The following ZNF708 variants were observed in gnomAD, a reference collection of about 807,000 sequenced individuals.
ZNF708 encodes ZNF15, ZNF15L1.
In ZNF708, 44 loss-of-function variants were observed where a neutral mutation model predicts 47.0. The observed-to-expected ratio is 0.94, with a 90% CI of 0.74 to 1.20. The LOEUF is 1.20. Ranked by LOEUF, ZNF708 falls within the 50% of genes most tolerant of loss-of-function variation. The pLI, the probability that ZNF708 is intolerant of heterozygous loss-of-function variation, is 0.00. For synonymous variants in ZNF708, 184 were observed against 218.5 expected, an observed-to-expected ratio of 0.84 and a Z score of 1.39; for missense variants, 557 against 656.0, an observed-to-expected ratio of 0.85 and a Z score of 1.65.
rs565608526 is a variant in ZNF708 at position 21,304,678 on chromosome 19, C to T, written c.226+4568G>A. Among the ~76,000 whole-genome samples the T allele has an allele frequency of 2.6e-5, 4 of 152,176 alleles. No individual in the cohort carries two copies. The South Asian group carries it at 8.3e-4, about 32-fold the overall frequency. ...TCACATGGGGCAAAAAGTTTGGGAC[C>T]AGCTTACACAACATAGTGAGACCCT... On this transcript the variant is annotated intron_variant, in intron 3 of 3. Transcript: ENST00000356929.
At chr19:21,321,658 T>TGA (rs1242780330) in intron 1 of ZNF708, among the ~76,000 whole-genome samples, 1 of 84,356 alleles carries the variant, frequency 1.2e-5, no homozygotes, top group African/African-American at 4.8e-5. Flanking sequence ...GGGAGGGAGG[T>TGA]GAGAGAGAGA....
chr19:21,299,344 C>T (rs1007392209), intron 3 of ZNF708, among the ~76,000 whole-genome samples: 1 of 152,092 alleles, frequency 6.6e-6, no homozygotes, highest in African/African-American at 2.4e-5. Flanking sequence ...CAGAGTGAGA[C>T]TCTGTCTCAT....
At chr19:21,324,492 A>G in intron 1 of ZNF708, among the ~76,000 whole-genome samples, 1 of 152,068 alleles carries the variant, frequency 6.6e-6, no homozygotes, top group Non-Finnish European at 1.5e-5. Flanking sequence ...GTTTGAACCC[A>G]GGAGGCGGAA....
intron 1 of ZNF708, among the ~76,000 whole-genome samples, chr19:21,322,644 G>A (rs1291952550): frequency 6.6e-6 from 1 of 152,122 alleles, no homozygotes; most frequent in East Asian, 1.9e-4. Flanking sequence ...TCTCACCCTG[G>A]GAGAACTGAA....
intron 1 of ZNF708, among the ~76,000 whole-genome samples, chr19:21,323,133 T>C (rs1259813275): frequency 3.3e-5 from 5 of 152,138 alleles, no homozygotes; most frequent in Non-Finnish European, 7.4e-5. Context: ...TCCAGATAAA[T>C]AACTGTGATT....
chr19:21,325,137 A>C (rs567455879), intron 1 of ZNF708, among the ~76,000 whole-genome samples: 1 of 152,328 alleles, frequency 6.6e-6, no homozygotes, highest in Non-Finnish European at 1.5e-5. Flanking sequence ...GAAAATGACC[A>C]TACTGCCAAA....
intron 3 of ZNF708, among the ~76,000 whole-genome samples, chr19:21,303,665 G>T (rs767222704): frequency 1.3e-5 from 2 of 151,962 alleles, no homozygotes; most frequent in African/African-American, 2.4e-5. Flanking sequence ...GCCTACAAGA[G>T]ACTGGTTTTA....
intron 1 of ZNF708, among the ~76,000 whole-genome samples, chr19:21,316,678 G>A (rs531874517): frequency 1.3e-5 from 2 of 152,156 alleles, no homozygotes; most frequent in African/African-American, 4.8e-5. Flanking sequence ...CCTGAGGCTG[G>A]GCACGGTGGC....
chr19:21,307,054 AAT>A (rs1427696656), intron 3 of ZNF708: 16 of 143,544 alleles, frequency 1.1e-4, no homozygotes, highest in African/African-American at 3.8e-4. Flanking sequence ...AATAAAATAA[AAT>A]ATAAAATAAA....
chr19:21,303,547 C>G (rs1972699751), intron 3 of ZNF708, among the ~76,000 whole-genome samples: 1 of 151,034 alleles, frequency 6.6e-6, no homozygotes, highest in Non-Finnish European at 1.5e-5. Flanking sequence ...GAGTGAGATC[C>G]TTTCTCAAAA....
Position 21,309,113 on chromosome 19 carries a change from TA to T in ZNF708, c.226+132del, listed in dbSNP as rs1972845456. The T allele has an allele frequency of 3.6e-6, 3 of 840,616 alleles. No homozygotes were observed. The South Asian group carries it at 5.5e-5, about 15-fold the overall frequency. The allele number at this position is 840,616 out of a possible 1,614,324, so 52.1% of individuals were successfully genotyped here. A position where few individuals can be genotyped will look rare whatever the true frequency, so the allele number is the denominator to read the frequency against. On this transcript the variant is annotated intron_variant, in intron 3 of 3. Coordinates refer to ENST00000356929, the MANE Select transcript of ZNF708 (RefSeq NM_021269.3). ...CATAAGACAGAAGACGCCCCTATAT[TA>T]AAGTTAAAAAAACAAAACAGCTGCC... is the stretch of plus-strand genomic sequence containing the variant.
At chr19:21,306,050 C>A (rs1218051308) in intron 3 of ZNF708, among the ~76,000 whole-genome samples, 1 of 152,242 alleles carries the variant, frequency 6.6e-6, no homozygotes, top group South Asian at 2.1e-4. Flanking sequence ...AAAGTTGGAT[C>A]ATTTCCTTGA....
chr19:21,320,975 AC>A (rs1973119322), intron 1 of ZNF708, among the ~76,000 whole-genome samples: 1 of 151,902 alleles, frequency 6.6e-6, no homozygotes, highest in Non-Finnish European at 1.5e-5. Flanking sequence ...CCCCGTCTCT[AC>A]TAAAAATACA....
Position 21,293,972 on chromosome 19 carries a change from C to G in ZNF708, c.994G>C (p.Gly332Arg). Residue 332 changes from glycine (G) to arginine (R), a missense_variant, in exon 4 of 4, where the codon GGT becomes CGT. Coordinates refer to ENST00000356929, the MANE Select transcript of ZNF708 (RefSeq NM_021269.3). Reference sequence around the variant, plus strand: ...TCTTCACATTTGTAGGGTTTCTCACCAGTATGAATCCTCTTATGTGTAGTA... The same window carrying G: ...TCTTCACATTTGTAGGGTTTCTCACGAGTATGAATCCTCTTATGTGTAGTA... Reference protein sequence around the residue: ...HLTTHKRIHTGEKPYKCEECG... With the variant: ...HLTTHKRIHTREKPYKCEECG... 1 of 1,612,736 alleles carries G rather than the reference C, an allele frequency of 6.2e-7. No homozygotes were observed. The highest frequency in any genetic ancestry group is 8.5e-7 in the Non-Finnish European group (1 of 1,179,410).
chr19:21,312,064 G>C (rs916747893), intron 1 of ZNF708, among the ~76,000 whole-genome samples: 1 of 152,166 alleles, frequency 6.6e-6, no homozygotes, highest in Non-Finnish European at 1.5e-5. Flanking sequence ...GGGGGCCAAG[G>C]GGGGTGGATC....
At chr19:21,322,495 G>A (rs1052787021) in intron 1 of ZNF708, among the ~76,000 whole-genome samples, 2 of 152,042 alleles carry the variant, frequency 1.3e-5, no homozygotes, top group Non-Finnish European at 2.9e-5. Context: ...TAGGGACGGG[G>A]TTTTGCCACG....
intron 1 of ZNF708, among the ~76,000 whole-genome samples, chr19:21,322,909 C>T (rs1599691570): frequency 1.3e-5 from 2 of 152,222 alleles, no homozygotes; most frequent in East Asian, 3.8e-4. Flanking sequence ...GCACAAACTC[C>T]ATGGGCCCAT....
At chr19:21,306,093 C>A (rs1972758762) in intron 3 of ZNF708, among the ~76,000 whole-genome samples, 1 of 152,126 alleles carries the variant, frequency 6.6e-6, no homozygotes, top group Non-Finnish European at 1.5e-5. Flanking sequence ...TAACTAAATA[C>A]TTAAACATGA....
At chr19:21,304,122 T>C (rs1435547452) in intron 3 of ZNF708, among the ~76,000 whole-genome samples, 1 of 152,140 alleles carries the variant, frequency 6.6e-6, no homozygotes, top group African/African-American at 2.4e-5. Context: ...TTCAGCAGAC[T>C]GTACAGGAAG....
Sources: allele counts gnomAD v4.1 joint callset (sites outside exome capture counted in the v4.1 genomes callset), GRCh38; gene constraint gnomAD v4.1.1; transcripts MANE v1.5; gene names NCBI Gene and HGNC (gene_info 2026-07-23, HGNC 2026-07-21).